CCDC73: variants seen among roughly 807,000 people sequenced by gnomAD.
CCDC73 encodes the protein coiled-coil domain-containing protein 73.
A neutral mutation model predicts 116.5 loss-of-function variants in CCDC73; 95 were observed. That is an observed-to-expected ratio of 0.82 (90% CI 0.69 to 0.97). The LOEUF (loss-of-function observed/expected upper bound fraction) is 0.97, where lower values mean the gene tolerates loss of function less well. Ranked by LOEUF, CCDC73 falls within the 50% of genes least tolerant of loss-of-function variation. CCDC73 has a pLI of 0.00. For synonymous variants in CCDC73, 398 were observed against 401.3 expected, an observed-to-expected ratio of 0.99 and a Z score of 0.10; for missense variants, 1,066 against 1,206.8, an observed-to-expected ratio of 0.88 and a Z score of 1.73.
At chr11:32,716,523 C>T (rs1235934716) in intron 3 of CCDC73, among the ~76,000 whole-genome samples, 1 of 152,082 alleles carries the variant, frequency 6.6e-6, no homozygotes, top group Non-Finnish European at 1.5e-5. Flanking sequence ...TTAGAATAAG[C>T]TTAAGTACCA....
Position 32,755,671 on chromosome 11 carries a change from A to G in CCDC73, c.135+4438T>C, listed in dbSNP as rs181942608. On this transcript the variant is annotated intron_variant, in intron 2 of 17. Transcript: ENST00000335185. ...TATATATATCTCCATATATATGTGT[A>G]TATATATATCTCCATATATATGTGT... is the stretch of plus-strand genomic sequence containing the variant. Among the ~76,000 whole-genome samples, 86 of 65,398 alleles carry G rather than the reference A, an allele frequency of 1.3e-3. 1 individual carries two copies. The highest frequency in any genetic ancestry group is 4.8e-3 in the African/African-American group (79 of 16,424). 42.9% of individuals were successfully genotyped at this position (65,398 alleles called of 152,430 possible). A position where few individuals can be genotyped will look rare whatever the true frequency, so the allele number is the denominator to read the frequency against.
chr11:32,696,804 A>G (rs1285141640), intron 6 of CCDC73, among the ~76,000 whole-genome samples: 1 of 151,496 alleles, frequency 6.6e-6, no homozygotes. Context: ...TCATACAGTT[A>G]TGTTTTCCCT....
intron 9 of CCDC73, among the ~76,000 whole-genome samples, chr11:32,655,486 G>A (rs1663941811): frequency 6.6e-6 from 1 of 152,132 alleles, no homozygotes. Context: ...ACAACAAAGG[G>A]GTAGGCATTC....
At chr11:32,638,542 G>A (rs573292634) in intron 13 of CCDC73, among the ~76,000 whole-genome samples, 26 of 151,858 alleles carry the variant, frequency 1.7e-4, no homozygotes, top group Non-Finnish European at 3.4e-4. Flanking sequence ...GCACAGTGGC[G>A]ATCTTGGCTC....
chr11:32,772,927 G>A (rs1394416684), intron 1 of CCDC73, among the ~76,000 whole-genome samples: 4 of 152,112 alleles, frequency 2.6e-5, no homozygotes, highest in Non-Finnish European at 5.9e-5. Flanking sequence ...GTTACCATAT[G>A]ACTCAGCAAT....
intron 14 of CCDC73, among the ~76,000 whole-genome samples, chr11:32,624,235 G>A (rs1855548388): frequency 6.6e-6 from 1 of 152,040 alleles, no homozygotes; most frequent in African/African-American, 2.4e-5. Context: ...AGCTACCCGG[G>A]AGGCTGAGGC....
At chr11:32,653,436 T>C (rs1855844976) in intron 11 of CCDC73, among the ~76,000 whole-genome samples, 1 of 152,186 alleles carries the variant, frequency 6.6e-6, no homozygotes, top group African/African-American at 2.4e-5. Flanking sequence ...ACAAAGTTTT[T>C]TGGAATAAAC....
chr11:32,702,012 A>C (rs1364570268), intron 4 of CCDC73, among the ~76,000 whole-genome samples: 1 of 152,196 alleles, frequency 6.6e-6, no homozygotes, highest in African/African-American at 2.4e-5. Flanking sequence ...TCTTTCCTAG[A>C]GAATACTATG....
At chr11:32,707,223 GT>G (rs1297175081) in intron 3 of CCDC73, among the ~76,000 whole-genome samples, 2 of 152,034 alleles carry the variant, frequency 1.3e-5, no homozygotes, top group African/African-American at 4.8e-5. Context: ...GTAAAAATGA[GT>G]CAGTCTTTAA....
Position 32,662,129 on chromosome 11 carries a change from G to A in CCDC73, c.646-7157C>T, listed in dbSNP as rs1855934839. Reference sequence around the variant, plus strand: ...TTCCAAGTCTTTGCTATTGTGAATAGTGCTGCAATAAACATACGTGTGCAT... The same window carrying A: ...TTCCAAGTCTTTGCTATTGTGAATAATGCTGCAATAAACATACGTGTGCAT... On this transcript the variant is annotated intron_variant, in intron 9 of 17. Coordinates refer to ENST00000335185, the MANE Select transcript of CCDC73 (RefSeq NM_001008391.4). Among the ~76,000 whole-genome samples the A allele has an allele frequency of 2.6e-5, 4 of 152,314 alleles. No individual in the cohort carries two copies. In the South Asian group the frequency reaches 8.3e-4, roughly 32 times the overall value.
chr11:32,624,572 G>C (rs1246170577), intron 14 of CCDC73, among the ~76,000 whole-genome samples: 1 of 152,096 alleles, frequency 6.6e-6, no homozygotes, highest in African/African-American at 2.4e-5. Context: ...CCACTATTTA[G>C]TAAAATTTTT....
chr11:32,772,208 C>A (rs557081153), intron 1 of CCDC73, among the ~76,000 whole-genome samples: 2 of 152,146 alleles, frequency 1.3e-5, no homozygotes, highest in South Asian at 4.1e-4. Flanking sequence ...TTTTATTCTG[C>A]TCTCTACATT....
intron 1 of CCDC73, among the ~76,000 whole-genome samples, chr11:32,761,208 C>A (rs1012693758): frequency 2.0e-5 from 3 of 152,102 alleles, no homozygotes; most frequent in African/African-American, 7.2e-5. Context: ...TGGAATCACA[C>A]ATCATGTAAC....
intron 14 of CCDC73, among the ~76,000 whole-genome samples, chr11:32,628,653 A>C (rs2133235560): frequency 6.6e-6 from 1 of 152,360 alleles, no homozygotes; most frequent in Non-Finnish European, 1.5e-5. Context: ...AATAAACCTC[A>C]AAATGATGAA....
chr11:32,801,286 G>C, the CCDC73 span, among the ~76,000 whole-genome samples: 1 of 152,224 alleles, frequency 6.6e-6, no homozygotes, highest in Non-Finnish European at 1.5e-5. Flanking sequence ...TATAAATCAA[G>C]AGTTACTCCT....
At chr11:32,695,721 T>G (rs1185255303) in intron 6 of CCDC73, among the ~76,000 whole-genome samples, 3 of 151,588 alleles carry the variant, frequency 2.0e-5, no homozygotes, top group African/African-American at 7.3e-5. Flanking sequence ...AGTTTAAAAA[T>G]TTTCGTTGTT....
chr11:32,625,688 T>C (rs1855565013), intron 14 of CCDC73, among the ~76,000 whole-genome samples: 1 of 152,092 alleles, frequency 6.6e-6, no homozygotes, highest in Non-Finnish European at 1.5e-5. Flanking sequence ...TGCAAATCAA[T>C]AAACATAATC....
intron 2 of CCDC73, among the ~76,000 whole-genome samples, chr11:32,744,151 A>G (rs1310539091): frequency 1.3e-5 from 2 of 152,228 alleles, no homozygotes; most frequent in African/African-American, 4.8e-5. Context: ...CCTTTTCTGC[A>G]TCTCTTGAGA....
intron 14 of CCDC73, among the ~76,000 whole-genome samples, chr11:32,629,145 A>T (rs1025213156): frequency 5.3e-5 from 8 of 152,186 alleles, no homozygotes; most frequent in Admixed American, 6.5e-5. Flanking sequence ...AGACTGAAAA[A>T]ATATGCAGTA....
Sources: allele counts gnomAD v4.1 joint callset (sites outside exome capture counted in the v4.1 genomes callset), GRCh38; gene constraint gnomAD v4.1.1; transcripts MANE v1.5; gene names NCBI Gene and HGNC (gene_info 2026-07-23, HGNC 2026-07-21).